Variants in TMC1 observed in about 807,000 individuals in gnomAD.
TMC1 encodes transmembrane channel-like protein 1.
A neutral mutation model predicts 105.8 loss-of-function variants in TMC1; 84 were observed. That is an observed-to-expected ratio of 0.79 (90% confidence interval 0.67 to 0.95). The LOEUF is 0.95. TMC1 is among the 40% of genes least tolerant of loss of function. The pLI is 0.00. For missense variants in TMC1, 817 were observed against 914.1 expected (o/e 0.89, Z 1.37); for synonymous variants, 315 against 311.5 (o/e 1.01, Z -0.12).
chr9:72,754,840 G>T lies in TMC1; in HGVS notation c.697G>T (p.Glu233Ter). 6.2e-7 allele frequency: 1 copy of T among 1,614,118 alleles called. No individual in the cohort carries two copies. The highest frequency in any genetic ancestry group is 8.5e-7 in the Non-Finnish European group (1 of 1,179,982). Reference protein sequence around the residue: ...SLPRKTVPRAEEASAANFGVL... With the variant: ...SLPRKTVPRA ...ACCTAGGAAAACCGTTCCCAGAGCC[G>T]AAGAGGCATCGGCAGCAAACTTTGG... The change falls in exon 12 of 24, where the codon GAA becomes TAA. Residue 233 changes from glutamate (E) to a stop codon, truncating the protein, a stop_gained. Transcript: ENST00000297784. LOFTEE classifies it high-confidence loss of function.
chr9:72,821,494 C>G (rs1371872344), intron 20 of TMC1, among the ~76,000 whole-genome samples: 6 of 142,496 alleles, frequency 4.2e-5, no homozygotes, highest in Admixed American at 2.1e-4. Flanking sequence ...AAGAGCAAAA[C>G]TCTGTCTCAA....
At chr9:72,829,945 C>T (rs1049884613) in intron 21 of TMC1, among the ~76,000 whole-genome samples, 4 of 152,210 alleles carry the variant, frequency 2.6e-5, no homozygotes, top group South Asian at 4.1e-4. Context: ...ATACATTCTA[C>T]GGAAAAAATT....
chr9:72,779,641 GC>G (rs1828059841), intron 13 of TMC1, among the ~76,000 whole-genome samples: 1 of 151,906 alleles, frequency 6.6e-6, no homozygotes, highest in Admixed American at 6.5e-5. Context: ...GAGCAGAACA[GC>G]CCAAGCTGAG....
intron 3 of TMC1, among the ~76,000 whole-genome samples, chr9:72,624,878 G>C (rs765186933): frequency 6.6e-6 from 1 of 152,174 alleles, no homozygotes; most frequent in Non-Finnish European, 1.5e-5. Context: ...AGGATGACCT[G>C]GATTTTCCAT....
intron 5 of TMC1, among the ~76,000 whole-genome samples, chr9:72,655,671 G>T (rs1204306743): frequency 6.6e-6 from 1 of 151,878 alleles, no homozygotes; most frequent in East Asian, 1.9e-4. Flanking sequence ...GAACCCGGGA[G>T]GGGGAGCCTG....
chr9:72,830,741 T>A, intron 23 of TMC1, 59 bp downstream of exon 23: 1 of 1,169,478 alleles, frequency 8.6e-7, no homozygotes, highest in Non-Finnish European at 1.2e-6. Context: ...TTTCTTTCTT[T>A]TTTTTTTTTT....
chr9:72,836,081 T>C lies in TMC1; in HGVS notation c.*108T>C. The C allele has an allele frequency of 7.7e-7, 1 of 1,298,686 alleles. No individual in the cohort carries two copies. 80.4% of individuals were successfully genotyped at this position (1,298,686 alleles called of 1,614,324 possible). ...CACTGTGGAACTGCTATTTTCCTGT[T>C]CTACCCTTGATGGATTTTCAAGGTC... On this transcript the variant is annotated 3_prime_UTR_variant, in exon 24 of 24. Coordinates refer to ENST00000297784, the MANE Select transcript of TMC1 (RefSeq NM_138691.3).
intron 8 of TMC1, among the ~76,000 whole-genome samples, chr9:72,714,139 T>C (rs1236710520): frequency 6.6e-6 from 1 of 151,650 alleles, no homozygotes; most frequent in African/African-American, 2.4e-5. Flanking sequence ...GAGACTGTTA[T>C]GATTTCCATT....
chr9:72,530,423 G>A (rs542006786), intron 1 of TMC1, among the ~76,000 whole-genome samples: 35 of 151,826 alleles, frequency 2.3e-4, no homozygotes, highest in East Asian at 1.9e-4. Context: ...TGATCCACCT[G>A]CCTCAGCCTC....
Position 72,814,896 on chromosome 9 carries a change from TTGTGTGTGTGTGTGTG to T in TMC1, c.1696-1211_1696-1196del, listed in dbSNP as rs57564294. Among the ~76,000 whole-genome samples the T allele has an allele frequency of 6.6e-3, 781 of 119,222 alleles. 5 individuals carry two copies. The highest frequency in any genetic ancestry group is 0.022 in the African/African-American group (699 of 31,476). 78.2% of individuals were successfully genotyped at this position (119,222 alleles called of 152,430 possible). A position where few individuals can be genotyped will look rare whatever the true frequency, so the allele number is the denominator to read the frequency against. On this transcript the variant is annotated intron_variant, in intron 18 of 23. Transcript: ENST00000297784. ...GAACAGAGGCTCTCTTGGATCATCT[TTGTGTGTGTGTGTGTG>T]TGTGTGTGTGTGTGTGTGTGTGTGT...
At chr9:72,654,594 A>G (rs939793787) in intron 5 of TMC1, among the ~76,000 whole-genome samples, 1 of 152,072 alleles carries the variant, frequency 6.6e-6, no homozygotes, top group Non-Finnish European at 1.5e-5. Context: ...TGTTTTAGGA[A>G]CCTTACAGTG....
chr9:72,757,158 A>T (rs1827687705), intron 12 of TMC1, among the ~76,000 whole-genome samples: 1 of 152,234 alleles, frequency 6.6e-6, no homozygotes, highest in Non-Finnish European at 1.5e-5. Flanking sequence ...TTATTCACTT[A>T]CAGGCTTGCT....
At position 72,791,964 on chromosome 9, in the gene TMC1, C is replaced by A; in HGVS notation, c.1303C>A (p.Pro435Thr). ...ATTTGCTGAATTAGAAGACTACCAT[C>A]CTCTCATCGCTTTGAAATGGCTACT... ...DLFAELEDYH[P>T]LIALKWLLGR... is the part of the protein sequence containing the mutation. The change falls in exon 16 of 24, where the codon CCT becomes ACT. Residue 435 changes from proline to threonine, a missense_variant. Physicochemically the swap from Pro to Thr is conservative, Grantham distance 38 (BLOSUM62 -1). Coordinates refer to ENST00000297784, the MANE Select transcript of TMC1 (RefSeq NM_138691.3). 6.2e-7 allele frequency: 1 copy of A among 1,613,996 alleles called. No homozygotes were observed.
chr9:72,655,697 G>T, intron 5 of TMC1: 2 of 388,544 alleles, frequency 5.1e-6, no homozygotes, highest in Non-Finnish European at 9.7e-6. Flanking sequence ...AGCTGAGATC[G>T]CGCCACTGCA....
intron 1 of TMC1, among the ~76,000 whole-genome samples, chr9:72,570,449 A>G (rs865898190): frequency 1.3e-5 from 2 of 152,056 alleles, no homozygotes; most frequent in Non-Finnish European, 2.9e-5. Context: ...GACCACCATC[A>G]TGAACAGTTT....
intron 1 of TMC1, among the ~76,000 whole-genome samples, chr9:72,551,189 C>T (rs933317511): frequency 5.3e-5 from 8 of 152,000 alleles, no homozygotes; most frequent in African/African-American, 1.7e-4. Flanking sequence ...GATTTTAGTC[C>T]GATGAGATTG....
intron 4 of TMC1, among the ~76,000 whole-genome samples, chr9:72,643,545 A>G (rs148664487): frequency 2.0e-5 from 3 of 152,310 alleles, no homozygotes; most frequent in African/African-American, 7.2e-5. Flanking sequence ...ATTAAATCAT[A>G]TAGCATGTGC....
chr9:72,812,835 A>G (rs1046916795), intron 18 of TMC1, among the ~76,000 whole-genome samples: 2 of 152,268 alleles, frequency 1.3e-5, no homozygotes, highest in African/African-American at 4.8e-5. Context: ...CATATTATCC[A>G]CAGGTTGGCA....
At chr9:72,758,735 C>A (rs1300398820) in intron 12 of TMC1, among the ~76,000 whole-genome samples, 1 of 152,112 alleles carries the variant, frequency 6.6e-6, no homozygotes, top group East Asian at 1.9e-4. Context: ...GTATGTGTTA[C>A]CTCAGGTTAA....
Sources: allele counts gnomAD v4.1 joint callset (sites outside exome capture counted in the v4.1 genomes callset), GRCh38; gene constraint gnomAD v4.1.1; transcripts MANE v1.5; gene names NCBI Gene and HGNC (gene_info 2026-07-23, HGNC 2026-07-21).